Variants in PHEX observed in about 807,000 individuals in gnomAD.
The protein encoded by PHEX is phosphate-regulating neutral endopeptidase PHEX.
Under a neutral mutation model 68.0 loss-of-function variants are expected in PHEX, and 16 were observed. The ratio of observed to expected loss-of-function variants is 0.24; its 90% CI spans 0.16 to 0.36. The LOEUF (loss-of-function observed/expected upper bound fraction) is 0.36, where lower values mean the gene tolerates loss of function less well. Among genes scored for constraint, PHEX ranks in the 10% least tolerant of loss-of-function variants. The pLI is 1.00. For missense variants in PHEX, 480 were observed against 575.5 expected, an observed-to-expected ratio of 0.83 and a Z score of 1.70; for synonymous variants, 208 against 205.1, an observed-to-expected ratio of 1.01 and a Z score of -0.12.
chrX:22,116,182 G>A (rs745429302), intron 11 of PHEX, among the ~76,000 whole-genome samples: 39 of 111,507 alleles, frequency 3.5e-4, no homozygotes, highest in African/African-American at 1.2e-3. Flanking sequence ...TTTCATTATG[G>A]TTTGATTTGC....
At chrX:22,144,367 T>G (rs1932590038) in intron 12 of PHEX, among the ~76,000 whole-genome samples, 1 of 111,591 alleles carries the variant, frequency 9.0e-6, no homozygotes, top group African/African-American at 3.3e-5. Context: ...TTATTAAACT[T>G]TGCCTCTAAT....
intron 12 of PHEX, among the ~76,000 whole-genome samples, chrX:22,154,357 A>G (rs1249059591): frequency 9.0e-6 from 1 of 111,076 alleles, no homozygotes; most frequent in Non-Finnish European, 1.9e-5. Context: ...AAGTGGGTCC[A>G]GAAGCCTTGG....
At chrX:22,236,433 G>C (rs1935982339) in intron 20 of PHEX, among the ~76,000 whole-genome samples, 1 of 112,820 alleles carries the variant, frequency 8.9e-6, no homozygotes, top group Admixed American at 9.3e-5. Flanking sequence ...GTATATTGAA[G>C]ACAGTTGATA....
intron 18 of PHEX, among the ~76,000 whole-genome samples, chrX:22,224,754 G>GTGAT (rs1179078798): frequency 8.2e-5 from 9 of 109,843 alleles, no homozygotes; most frequent in African/African-American, 2.0e-4. Context: ...AGGGTCCTGA[G>GTGAT]TGATTACAGT....
chrX:22,108,379 A>C (rs943392682), intron 9 of PHEX, among the ~76,000 whole-genome samples: 1 of 111,386 alleles, frequency 9.0e-6, no homozygotes, highest in Admixed American at 9.6e-5. Context: ...GAAGGGGATG[A>C]GGCATAAAAA....
chrX:22,052,377 G>A (rs774692578), intron 3 of PHEX, among the ~76,000 whole-genome samples: 3 of 111,017 alleles, frequency 2.7e-5, no homozygotes, highest in Non-Finnish European at 5.7e-5. Flanking sequence ...ACACGCATGC[G>A]CCACCATGGC....
At chrX:22,158,491 C>T (rs1427030006) in intron 12 of PHEX, among the ~76,000 whole-genome samples, 1 of 112,194 alleles carries the variant, frequency 8.9e-6, no homozygotes, top group Non-Finnish European at 1.9e-5. Context: ...ACTAAACATA[C>T]AGCTATTTAA....
Position 22,209,966 on chromosome X carries a change from AAAATAAAAAGG to A in PHEX, c.1646-2929_1646-2919del, listed in dbSNP as rs1934867199. Reference sequence around the variant, plus strand: ...AAAAAAAAAAAAAAATAAATAAATAAAAATAAAAAGGAAATAAAATGGATATGAAAGAATAC... The same window carrying A: ...AAAAAAAAAAAAAAATAAATAAATAAAAATAAAATGGATATGAAAGAATAC... On this transcript the variant is annotated intron_variant, in intron 15 of 21. Transcript: ENST00000379374. Among the ~76,000 whole-genome samples, 7 of 110,959 alleles carry A rather than the reference AAAATAAAAAGG, an allele frequency of 6.3e-5. No homozygotes were observed. The South Asian group carries it at 2.6e-3, about 41-fold the overall frequency.
At chrX:22,139,409 A>G (rs758233848) in intron 12 of PHEX, among the ~76,000 whole-genome samples, 20 of 112,009 alleles carry the variant, frequency 1.8e-4, no homozygotes, top group African/African-American at 6.2e-4. Flanking sequence ...CAAATTCAGT[A>G]TTGTCGTTGT....
At chrX:22,219,011 T>G in intron 16 of PHEX, 25 bp from the exon 17 acceptor site, 1 of 1,061,736 alleles carries the variant, frequency 9.4e-7, no homozygotes, top group Non-Finnish European at 1.3e-6. Context: ...TGTAATTGTC[T>G]CCAAATTATG....
intron 15 of PHEX, among the ~76,000 whole-genome samples, chrX:22,204,933 G>C (rs750751353): frequency 9.0e-6 from 1 of 110,967 alleles, no homozygotes; most frequent in East Asian, 2.8e-4. Flanking sequence ...AAAAATAACT[G>C]TCACAACTTG....
chrX:22,122,320 A>G (rs990005146), intron 11 of PHEX, among the ~76,000 whole-genome samples: 2 of 111,075 alleles, frequency 1.8e-5, no homozygotes, highest in African/African-American at 6.5e-5. Context: ...TTTGTCTAGT[A>G]AGTGGTGTTG....
intron 3 of PHEX, among the ~76,000 whole-genome samples, chrX:22,067,581 G>GGT (rs914215358): frequency 9.0e-5 from 10 of 111,525 alleles, no homozygotes; most frequent in African/African-American, 3.3e-4. Context: ...TTTGATTTGA[G>GGT]GTAGGGTAGG....
At chrX:22,160,165 A>G (rs183206046) in intron 12 of PHEX, among the ~76,000 whole-genome samples, 3 of 112,077 alleles carry the variant, frequency 2.7e-5, no homozygotes, top group African/African-American at 9.7e-5. Context: ...GTTGACTCAC[A>G]GTTCCACATG....
chrX:22,124,682 A>C (rs1931640152), intron 11 of PHEX, among the ~76,000 whole-genome samples: 1 of 112,022 alleles, frequency 8.9e-6, no homozygotes, highest in East Asian at 2.8e-4. Flanking sequence ...GAAAACAGGA[A>C]AAGATGAGTT....
intron 3 of PHEX, among the ~76,000 whole-genome samples, chrX:22,049,587 T>G (rs1220116609): frequency 9.0e-6 from 1 of 111,046 alleles, no homozygotes; most frequent in Admixed American, 9.6e-5. Context: ...GAAAGTTTAT[T>G]TCAGCTGGGT....
At chrX:22,129,778 A>G (rs981719040) in intron 11 of PHEX, among the ~76,000 whole-genome samples, 2 of 111,836 alleles carry the variant, frequency 1.8e-5, no homozygotes, top group Admixed American at 1.9e-4. Context: ...CAACAAAAAC[A>G]GTAGGAACAG....
chrX:22,113,943 C>CTTTTTTTTTTTTTT (rs746349559), intron 10 of PHEX, among the ~76,000 whole-genome samples: 7 of 63,988 alleles, frequency 1.1e-4, no homozygotes, highest in East Asian at 5.2e-4. Flanking sequence ...TCTTCTTCTT[C>CTTTTTTTTTTTTTT]TTTTTTTTTT....
At chrX:22,244,921 G>C (rs1359723395) in intron 20 of PHEX, among the ~76,000 whole-genome samples, 1 of 111,623 alleles carries the variant, frequency 9.0e-6, no homozygotes, top group African/African-American at 3.3e-5. Context: ...AGGCACTCAG[G>C]GGCAGACTAC....
Sources: gnomAD v4.1 joint callset for allele counts (sites outside exome capture counted in the v4.1 genomes callset) on GRCh38, gnomAD v4.1.1 for gene constraint, MANE v1.5 for transcripts, NCBI Gene and HGNC (gene_info 2026-07-23, HGNC 2026-07-21) for gene names.